The following PDE10A variants were observed in gnomAD, a reference collection of about 807,000 sequenced individuals.
The protein encoded by PDE10A is phosphodiesterase 10A.
In PDE10A, 39 loss-of-function variants were observed where a neutral mutation model predicts 97.7. The observed-to-expected ratio is 0.40, with a 90% CI of 0.31 to 0.52. PDE10A has a LOEUF of 0.52. Ranked by LOEUF, PDE10A falls within the 20% of genes least tolerant of loss-of-function variation. The probability of loss-of-function intolerance (pLI) is 0.56; values close to 1 mark genes in which losing one functional copy is unlikely to be tolerated. For synonymous variants in PDE10A, 371 were observed against 376.8 expected, an observed-to-expected ratio of 0.98 and a Z score of 0.18; for missense variants, 731 against 1,047.8, an observed-to-expected ratio of 0.70 and a Z score of 4.17.
At chr6:165,821,251 G>A (rs1007827813) in intron 1 of PDE10A, among the ~76,000 whole-genome samples, 18 of 152,252 alleles carry the variant, frequency 1.2e-4, no homozygotes, top group Admixed American at 7.8e-4. Context: ...CTGAAAGAGT[G>A]TAGAAGTAGC....
chr6:165,923,593 C>T (rs892847437), intron 1 of PDE10A, among the ~76,000 whole-genome samples: 2 of 152,192 alleles, frequency 1.3e-5, no homozygotes, highest in East Asian at 1.9e-4. Flanking sequence ...ACAGTCAGAG[C>T]ATGTGAGTCC....
intron 1 of PDE10A, among the ~76,000 whole-genome samples, chr6:165,851,753 T>G (rs931411555): frequency 1.3e-5 from 2 of 152,136 alleles, no homozygotes; most frequent in South Asian, 2.1e-4. Context: ...GGGTCAGGGA[T>G]GTCCTGGATG....
chr6:165,370,225 A>C (rs1252335871), intron 18 of PDE10A, among the ~76,000 whole-genome samples: 3 of 151,906 alleles, frequency 2.0e-5, no homozygotes, highest in Admixed American at 2.0e-4. Flanking sequence ...TTCACACATA[A>C]CAATATTAAC....
chr6:165,985,311 A>C (rs956452474), intron 1 of PDE10A, among the ~76,000 whole-genome samples: 7 of 152,256 alleles, frequency 4.6e-5, no homozygotes, highest in African/African-American at 1.7e-4. Context: ...AAATCCAGAA[A>C]GCTTTAAGGG....
At chr6:165,562,793 G>T (rs1264404944) in intron 1 of PDE10A, among the ~76,000 whole-genome samples, 1 of 152,170 alleles carries the variant, frequency 6.6e-6, no homozygotes, top group Non-Finnish European at 1.5e-5. Context: ...TAAATCATAA[G>T]TTCTCAGCTG....
At chr6:165,637,709 AG>A (rs1425049511) in intron 1 of PDE10A, among the ~76,000 whole-genome samples, 1 of 152,202 alleles carries the variant, frequency 6.6e-6, no homozygotes, top group Admixed American at 6.5e-5. Flanking sequence ...AGGCAAGGAC[AG>A]GGGTCATCGA....
intron 1 of PDE10A, among the ~76,000 whole-genome samples, chr6:165,564,625 T>C (rs1784685886): frequency 6.6e-6 from 1 of 152,178 alleles, no homozygotes; most frequent in African/African-American, 2.4e-5. Flanking sequence ...AGAATTCCCA[T>C]AGCACATATT....
chr6:165,508,811 C>A (rs964280911), intron 2 of PDE10A, among the ~76,000 whole-genome samples: 2 of 152,000 alleles, frequency 1.3e-5, no homozygotes, highest in African/African-American at 4.8e-5. Context: ...AGTTCACCAA[C>A]TGTAAGTATA....
intron 1 of PDE10A, among the ~76,000 whole-genome samples, chr6:165,870,346 A>G (rs560648423): frequency 2.0e-5 from 3 of 152,352 alleles, no homozygotes; most frequent in Non-Finnish European, 2.9e-5. Flanking sequence ...AAGTACATGA[A>G]AAATGCTCAA....
intron 1 of PDE10A, among the ~76,000 whole-genome samples, chr6:165,686,401 C>T (rs1233626241): frequency 1.3e-5 from 2 of 152,152 alleles, no homozygotes; most frequent in East Asian, 1.9e-4. Context: ...CTCTTTGCAG[C>T]GCTTGTTGTT....
intron 1 of PDE10A, among the ~76,000 whole-genome samples, chr6:165,631,449 G>C (rs1208303594): frequency 6.6e-6 from 1 of 152,080 alleles, no homozygotes; most frequent in Admixed American, 6.6e-5. Context: ...TAGAGGTGGG[G>C]GCATCAAGAT....
At chr6:165,912,671 T>C (rs1782495429) in intron 1 of PDE10A, among the ~76,000 whole-genome samples, 1 of 152,208 alleles carries the variant, frequency 6.6e-6, no homozygotes, top group South Asian at 2.1e-4. Flanking sequence ...TGCTTGAGTG[T>C]TAGGGCTGTT....
chr6:165,690,259 G>A (rs1253950099), intron 1 of PDE10A, among the ~76,000 whole-genome samples: 2 of 152,132 alleles, frequency 1.3e-5, no homozygotes, highest in African/African-American at 4.8e-5. Flanking sequence ...TTCCCCATAA[G>A]TTTGGAACTC....
At chr6:165,449,548 T>C (rs221749) in intron 4 of PDE10A, among the ~76,000 whole-genome samples, 37,614 of 152,014 alleles carry the variant, frequency 0.25, 4,843 homozygotes, top group South Asian at 0.36. Flanking sequence ...GGTAAGATGT[T>C]TAACCTCTCT....
At chr6:165,604,765 C>T (rs1445713778) in intron 1 of PDE10A, among the ~76,000 whole-genome samples, 1 of 152,138 alleles carries the variant, frequency 6.6e-6, no homozygotes, top group East Asian at 1.9e-4. Flanking sequence ...GCTAAAGGTA[C>T]CATTCTGTTT....
intron 1 of PDE10A, among the ~76,000 whole-genome samples, chr6:165,976,686 G>T (rs1784854248): frequency 6.6e-6 from 1 of 152,116 alleles, no homozygotes; most frequent in Admixed American, 6.5e-5. Context: ...CATTTACAAA[G>T]CCTCTCTGAA....
chr6:165,894,569 C>T (rs1269089550), intron 1 of PDE10A: 6 of 455,808 alleles, frequency 1.3e-5, no homozygotes, highest in Non-Finnish European at 2.6e-5. Context: ...GTAGTTCTGG[C>T]TCCTGGAGAA....
rs895988664 is a variant in PDE10A at position 165,819,706 on chromosome 6, G to C, written c.-615+167823C>G. 6.6e-6 allele frequency among the ~76,000 whole-genome samples: 1 copy of C among 152,140 alleles called. No homozygotes were observed. Among genetic ancestry groups the C allele is most frequent in the Non-Finnish European group, 1.5e-5 (1 of 68,042 alleles). Reference sequence around the variant, plus strand: ...CTGGATTTCACTGACTGTGCACCACGTACTCCTCACCCGCCCTCCCGCTGT... The same window carrying C: ...CTGGATTTCACTGACTGTGCACCACCTACTCCTCACCCGCCCTCCCGCTGT... On this transcript the variant is annotated intron_variant, in intron 1 of 19. Transcript: ENST00000366882. This position sits in a 1 kb window ranked among gnomAD's most constrained non-coding sequence, Gnocchi z 4.2.
chr6:165,924,232 A>G (rs1782853343), intron 1 of PDE10A, among the ~76,000 whole-genome samples: 1 of 152,144 alleles, frequency 6.6e-6, no homozygotes, highest in African/African-American at 2.4e-5. Context: ...CGTGGCTTAC[A>G]TATTGGATAG....
Sources: allele counts gnomAD v4.1 joint callset (sites outside exome capture counted in the v4.1 genomes callset), GRCh38; gene constraint gnomAD v4.1.1; non-coding constraint Gnocchi (gnomAD v3.1); transcripts MANE v1.5; gene names NCBI Gene and HGNC (gene_info 2026-07-23, HGNC 2026-07-21).